The following CSMD1 variants were observed in gnomAD, a reference collection of about 807,000 sequenced individuals.
CSMD1 encodes CUB and Sushi multiple domains 1, also known as CUB and sushi domain-containing protein 1.
A neutral mutation model predicts 417.5 loss-of-function variants in CSMD1; 213 were observed. The observed-to-expected ratio is 0.51, with a 90% CI of 0.46 to 0.57. The LOEUF is 0.57. CSMD1 is among the 20% of genes least tolerant of loss of function. The pLI, the probability that CSMD1 is intolerant of heterozygous loss-of-function variation, is 0.00. For missense variants in CSMD1, 6,923 were observed against 4,529.7 expected (o/e 1.53, Z -15.17); for synonymous variants, 2,862 against 1,736.8 (o/e 1.65, Z -16.11).
intron 12 of CSMD1, among the ~76,000 whole-genome samples, chr8:3,414,211 G>GAAAAAAA (rs1812986091): frequency 9.2e-4 from 2 of 2,176 alleles, no homozygotes; most frequent in Non-Finnish European, 2.7e-3. Context: ...TGCACCTAAA[G>GAAAAAAA]CAAAAAAAAA....
chr8:4,049,186 G>C (rs1798296605), intron 3 of CSMD1, among the ~76,000 whole-genome samples: 1 of 151,748 alleles, frequency 6.6e-6, no homozygotes, highest in South Asian at 2.1e-4. Flanking sequence ...GTCTATCTTA[G>C]GTGTTGCGTC....
At chr8:4,470,306 T>C (rs1215263425) in intron 2 of CSMD1, among the ~76,000 whole-genome samples, 2 of 152,212 alleles carry the variant, frequency 1.3e-5, no homozygotes, top group Non-Finnish European at 2.9e-5. Flanking sequence ...CAACCTTTAT[T>C]TCATGCTAGT....
rs545526604 is a variant in CSMD1, at chr8:3,729,984, T to G, written c.932-21493A>C. On this transcript the variant is annotated intron_variant, in intron 6 of 69. Coordinates refer to ENST00000635120, the MANE Select transcript of CSMD1 (RefSeq NM_033225.6). Reference sequence around the variant, plus strand: ...AAACAAAAACAGAAGAACGGATACATAATAATGTTTCAAAAAGTTCAGAGG... The same window carrying G: ...AAACAAAAACAGAAGAACGGATACAGAATAATGTTTCAAAAAGTTCAGAGG... 7.9e-5 allele frequency among the ~76,000 whole-genome samples: 8 copies of G among 101,138 alleles called. 4 individuals are homozygous for G. The East Asian group carries it at 1.2e-3, about 15-fold the overall frequency. 66.4% of individuals were successfully genotyped at this position (101,138 alleles called of 152,430 possible).
chr8:4,002,197 GC>G (rs1815735711), intron 4 of CSMD1, among the ~76,000 whole-genome samples: 2 of 151,526 alleles, frequency 1.3e-5, no homozygotes, highest in African/African-American at 4.8e-5. Context: ...TAGTGTTGGT[GC>G]CTGTGAGTGT....
intron 10 of CSMD1, among the ~76,000 whole-genome samples, chr8:3,547,918 T>C (rs1014716339): frequency 2.6e-5 from 4 of 152,192 alleles, no homozygotes; most frequent in African/African-American, 7.2e-5. Flanking sequence ...ACATGCACCA[T>C]GCCATATCCT....
At chr8:4,359,656 T>A (rs1021159092) in intron 3 of CSMD1, among the ~76,000 whole-genome samples, 1 of 152,322 alleles carries the variant, frequency 6.6e-6, no homozygotes, top group South Asian at 2.1e-4. Flanking sequence ...TGCAAATGTG[T>A]GTGGTTGATT....
At chr8:4,471,525 T>G (rs1267009301) in intron 2 of CSMD1, among the ~76,000 whole-genome samples, 1 of 152,082 alleles carries the variant, frequency 6.6e-6, no homozygotes, top group East Asian at 1.9e-4. Context: ...AGGACGGCAC[T>G]TCTGCTTAAG....
At position 4,751,280 on chromosome 8, in the gene CSMD1, G is replaced by C. The variant is rs558709534; in HGVS notation, c.86-113722C>G. 1.6e-3 allele frequency among the ~76,000 whole-genome samples: 249 copies of C among 152,188 alleles called. 1 individual carries two copies. Among genetic ancestry groups the C allele is most frequent in the Non-Finnish European group, 2.2e-3 (153 of 68,012 alleles). On this transcript the variant is annotated intron_variant, in intron 1 of 69. Transcript: ENST00000635120. Reference sequence around the variant, plus strand: ...CGCACCTGCAGTCCCAGCTACTTGGGAGGCTGAGGCAGGAGAATCGCTTGA... The same window carrying C: ...CGCACCTGCAGTCCCAGCTACTTGGCAGGCTGAGGCAGGAGAATCGCTTGA...
chr8:3,919,632 C>A (rs1809088698), intron 5 of CSMD1, among the ~76,000 whole-genome samples: 1 of 152,010 alleles, frequency 6.6e-6, no homozygotes, highest in Admixed American at 6.6e-5. Flanking sequence ...TTTGTGATTC[C>A]ATACAAATTT....
At chr8:3,237,731 TATAATTTTTATAATTATACTTATACTAC>T (rs1799241777) in intron 26 of CSMD1, among the ~76,000 whole-genome samples, 9 of 142,260 alleles carry the variant, frequency 6.3e-5, no homozygotes, top group African/African-American at 2.0e-4. Flanking sequence ...ATACTACAAA[TATAATTTTTATAATTATACTTATACTAC>T]AAATATAATT....
At chr8:4,736,682 A>T (rs551202483) in intron 1 of CSMD1, among the ~76,000 whole-genome samples, 2 of 152,324 alleles carry the variant, frequency 1.3e-5, no homozygotes, top group South Asian at 4.1e-4. Context: ...TGAGAAGATA[A>T]ATCGCAGGAA....
At chr8:2,976,464 G>A (rs567321827) in intron 55 of CSMD1, among the ~76,000 whole-genome samples, 1 of 152,138 alleles carries the variant, frequency 6.6e-6, no homozygotes, top group Non-Finnish European at 1.5e-5. Context: ...TGCCACCTCA[G>A]CCTCCCAATG....
Position 3,745,680 on chromosome 8 carries a change from G to A in CSMD1, c.931+8250C>T, listed in dbSNP as rs1444536607. Among the ~76,000 whole-genome samples, 3 of 152,294 alleles carry A rather than the reference G, an allele frequency of 2.0e-5. No individual in the cohort carries two copies. In the East Asian group the frequency reaches 5.8e-4, roughly 29 times the overall value. On this transcript the variant is annotated intron_variant, in intron 6 of 69. Coordinates refer to ENST00000635120, the MANE Select transcript of CSMD1 (RefSeq NM_033225.6). ...GGGCATGAATCCCCGGGGAAGTCAGGCAGCTGCTGGAGTAAGGACGTTAAC... is the reference window on the plus strand; with the variant it reads ...GGGCATGAATCCCCGGGGAAGTCAGACAGCTGCTGGAGTAAGGACGTTAAC...
chr8:3,151,211 A>C (rs1283252202), intron 40 of CSMD1, 186 bp downstream of exon 40: 2 of 518,116 alleles, frequency 3.9e-6, no homozygotes, highest in East Asian at 6.0e-5. Flanking sequence ...GCATGGCTTA[A>C]TTGATTTTTC....
intron 1 of CSMD1, among the ~76,000 whole-genome samples, chr8:4,906,505 G>GC (rs11386905): frequency 0.81 from 122,927 of 151,964 alleles, 49,818 homozygotes; most frequent in Admixed American, 0.84. Flanking sequence ...CACACACTTT[G>GC]TTTTTCAGTT....
intron 7 of CSMD1, among the ~76,000 whole-genome samples, chr8:3,665,248 C>G (rs1158976141): frequency 6.6e-6 from 1 of 152,146 alleles, no homozygotes; most frequent in Non-Finnish European, 1.5e-5. Context: ...CAGCCAGGCA[C>G]AGTGGCTCAC....
chr8:3,933,577 A>C (rs192383983), intron 5 of CSMD1, among the ~76,000 whole-genome samples: 141 of 152,300 alleles, frequency 9.3e-4, no homozygotes, highest in African/African-American at 3.2e-3. Context: ...ACATTGAGAA[A>C]ATATAGGAGT....
At chr8:3,973,663 C>T (rs902003436) in intron 5 of CSMD1, among the ~76,000 whole-genome samples, 7 of 152,178 alleles carry the variant, frequency 4.6e-5, no homozygotes, top group African/African-American at 1.7e-4. Flanking sequence ...AAGTACCTCA[C>T]AGTATCCTTG....
At chr8:3,092,743 A>G (rs774317192) in intron 47 of CSMD1, among the ~76,000 whole-genome samples, 19 of 152,060 alleles carry the variant, frequency 1.2e-4, no homozygotes, top group African/African-American at 1.9e-4. Context: ...ACCCAAAACC[A>G]TTTTTCAGGA....
Sources: gnomAD v4.1 joint callset for allele counts (sites outside exome capture counted in the v4.1 genomes callset) on GRCh38, gnomAD v4.1.1 for gene constraint, MANE v1.5 for transcripts, NCBI Gene and HGNC (gene_info 2026-07-23, HGNC 2026-07-21) for gene names.